The following CEP290 variants were observed in gnomAD, a reference collection of about 807,000 sequenced individuals.
CEP290 encodes centrosomal protein 290.
CEP290 carries 317 observed loss-of-function variants against 344.9 expected under a neutral mutation model. The observed-to-expected ratio is 0.92, with a 90% CI of 0.84 to 1.01. CEP290 has a LOEUF of 1.01. Ranked by LOEUF, CEP290 falls within the 50% of genes least tolerant of loss-of-function variation. The pLI is 0.00. For synonymous variants in CEP290, 932 were observed against 895.8 expected (o/e 1.04, Z -0.72); for missense variants, 2,754 against 2,761.4 (o/e 1.00, Z 0.06).
At chr12:88,129,937 A>G in intron 9 of CEP290, 61 bp from the exon 10 acceptor site, 1 of 1,073,820 alleles carries the variant, frequency 9.3e-7, no homozygotes. Context: ...AATTTAAACC[A>G]AATTAAAATT....
intron 44 of CEP290, among the ~76,000 whole-genome samples, chr12:88,067,471 G>A (rs889809582): frequency 5.3e-5 from 8 of 151,970 alleles, no homozygotes; most frequent in African/African-American, 7.2e-5. Context: ...CAGTTACATC[G>A]CCTGCCTGTG....
intron 13 of CEP290, among the ~76,000 whole-genome samples, chr12:88,122,739 A>G (rs2137951914): frequency 6.6e-6 from 1 of 152,276 alleles, no homozygotes; most frequent in South Asian, 2.1e-4. Context: ...CTTTTAAAGC[A>G]GTTTAAACTA....
At chr12:88,140,859 T>C (rs1382383846) in intron 3 of CEP290, 97 bp downstream of exon 3, 4 of 712,570 alleles carry the variant, frequency 5.6e-6, no homozygotes, top group South Asian at 2.0e-5. Context: ...GATGTAGATA[T>C]TACCAGGTAT....
rs761675817 is a variant in CEP290, at chr12:88,084,870, T to C, written c.4438-18A>G. 11 of 1,453,976 alleles carry C rather than the reference T, an allele frequency of 7.6e-6. No individual in the cohort carries two copies. The highest frequency in any genetic ancestry group is 4.0e-5 in the South Asian group (3 of 74,396). 90.1% of individuals were successfully genotyped at this position (1,453,976 alleles called of 1,614,324 possible). ...TTTAGTTTCTGCAATGATTAAATTA[T>C]AATAAATCATTAAAGTATCTTTTTC... is the stretch of plus-strand genomic sequence containing the variant. On this transcript the variant is annotated intron_variant, in intron 34 of 53. Coordinates refer to ENST00000552810, the MANE Select transcript of CEP290 (RefSeq NM_025114.4).
In CEP290 at chr12:88,102,711, TTA is replaced by T. The variant is rs892531787; in HGVS notation, c.2991+125_2991+126del. 5 of 672,372 alleles carry T rather than the reference TTA, an allele frequency of 7.4e-6. No individual in the cohort carries two copies. The African/African-American group carries it at 9.2e-5, about 12-fold the overall frequency. The allele number at this position is 672,372 out of a possible 1,614,324, so 41.7% of individuals were successfully genotyped here. A position where few individuals can be genotyped will look rare whatever the true frequency, so the allele number is the denominator to read the frequency against. On this transcript the variant is annotated intron_variant, in intron 26 of 53. Transcript: ENST00000552810. Reference sequence around the variant, plus strand: ...TAAACTGAATGAATAATATGGATAATTATATCTCTGTTAAATTTATATAAATG... The same window carrying T: ...TAAACTGAATGAATAATATGGATAATTATCTCTGTTAAATTTATATAAATG...
At chr12:88,122,145 G>C (rs1055252831) in intron 13 of CEP290, among the ~76,000 whole-genome samples, 21 of 152,068 alleles carry the variant, frequency 1.4e-4, no homozygotes, top group Non-Finnish European at 5.9e-5. Flanking sequence ...CAGCTGTCTG[G>C]AGCTAACATC....
intron 18 of CEP290, among the ~76,000 whole-genome samples, chr12:88,116,543 G>C (rs2039046819): frequency 6.6e-6 from 1 of 152,112 alleles, no homozygotes; most frequent in South Asian, 2.1e-4. Context: ...TCTGTATTCA[G>C]AGTAAATAAT....
At chr12:88,087,521 C>A (rs2137241203) in intron 32 of CEP290, among the ~76,000 whole-genome samples, 1 of 151,826 alleles carries the variant, frequency 6.6e-6, no homozygotes, top group South Asian at 2.1e-4. Context: ...GAGATCAAGA[C>A]CATCCTGGCT....
chr12:88,103,236 A>T (rs946953752), intron 25 of CEP290: 6 of 279,060 alleles, frequency 2.2e-5, no homozygotes, highest in Non-Finnish European at 3.3e-5. Flanking sequence ...TACTTTAATA[A>T]CTCCTGTCAT....
In CEP290 at chr12:88,083,198, AGGAACT is replaced by A; in HGVS notation, c.4839_4844del (p.Val1614_Pro1615del). ...CCAGACGAATAAAATGCTTGTTGGT[AGGAACT>A]GGAGTGGGAGACTGTTTCATTAAAT... is the stretch of plus-strand genomic sequence containing the variant. On this transcript the variant is annotated inframe_deletion, in exon 37 of 54. Transcript: ENST00000552810. 1 of 1,512,888 alleles carries A rather than the reference AGGAACT, an allele frequency of 6.6e-7. No individual in the cohort carries two copies. Among genetic ancestry groups the A allele is most frequent in the East Asian group, 2.5e-5 (1 of 40,360 alleles). 93.7% of individuals were successfully genotyped at this position (1,512,888 alleles called of 1,614,324 possible).
chr12:88,106,325 T>G (rs956400889), intron 25 of CEP290, among the ~76,000 whole-genome samples: 1 of 152,120 alleles, frequency 6.6e-6, no homozygotes, highest in African/African-American at 2.4e-5. Context: ...ATTAAAAAGA[T>G]TTATGAGATG....
Position 88,109,264 on chromosome 12 carries a change from G to A in CEP290, c.2368-83C>T, listed in dbSNP as rs552276810. On this transcript the variant is annotated intron_variant, in intron 22 of 53. Transcript: ENST00000552810. The stretch of plus-strand genomic sequence containing the variant: ...ATTTGAAAGTATAAATTCATATTCT[G>A]ACAACATTATAGGAAAGTTAAAAGT... The A allele has an allele frequency of 7.8e-4, 438 of 565,154 alleles. 2 individuals carry two copies. The highest frequency in any genetic ancestry group is 8.6e-4 in the South Asian group (36 of 41,836). 35.0% of individuals were successfully genotyped at this position (565,154 alleles called of 1,614,324 possible).
In CEP290 at chr12:88,126,391, C is replaced by T. The variant is rs1388365600; in HGVS notation, c.990G>A (p.Met330Ile). The stretch of plus-strand genomic sequence containing the variant: ...TAAGTTTCTCCCTTAGGTTATGTAA[C>T]ATTTGCTGATACTCAATAATTTCAT... ...KDDEIIEYQQ[M>I]LHNLREKLKN... is the part of the protein sequence containing the mutation. The change falls in exon 12 of 54, where the codon ATG becomes ATA. Residue 330 changes from methionine to isoleucine, a missense_variant. Physicochemically the swap from Met to Ile is conservative, Grantham distance 10. Coordinates refer to ENST00000552810, the MANE Select transcript of CEP290 (RefSeq NM_025114.4). The T allele has an allele frequency of 1.3e-6, 2 of 1,520,052 alleles. No individual in the cohort carries two copies. The highest frequency in any genetic ancestry group is 4.6e-5 in the Admixed American group (2 of 43,680). 94.2% of individuals were successfully genotyped at this position (1,520,052 alleles called of 1,614,324 possible).
intron 13 of CEP290, among the ~76,000 whole-genome samples, chr12:88,124,171 C>T (rs1206649040): frequency 6.6e-6 from 1 of 152,016 alleles, no homozygotes; most frequent in Non-Finnish European, 1.5e-5. Context: ...CCCCGGTGTC[C>T]CTTCTCACTT....
intron 52 of CEP290, 144 bp from the exon 53 acceptor site, chr12:88,050,577 A>G: frequency 1.9e-6 from 1 of 515,920 alleles, no homozygotes; most frequent in Non-Finnish European, 3.4e-6. Flanking sequence ...GAAATACTTC[A>G]GGATGTAAAC....
At chr12:88,136,149 A>G (rs557890113) in intron 6 of CEP290, 1 of 152,252 alleles carries the variant, frequency 6.6e-6, no homozygotes, top group African/African-American at 2.4e-5. Flanking sequence ...CTTTTCAAAA[A>G]CTATACATAT....
chr12:88,112,617 C>T (rs2038771063), intron 20 of CEP290, among the ~76,000 whole-genome samples: 1 of 152,006 alleles, frequency 6.6e-6, no homozygotes, highest in Non-Finnish European at 1.5e-5. Flanking sequence ...ATGGAAAAAA[C>T]TGTTAAAGGC....
At chr12:88,083,977 T>A in intron 35 of CEP290, 23 bp from the exon 36 acceptor site, 1 of 1,404,416 alleles carries the variant, frequency 7.1e-7, no homozygotes, top group Non-Finnish European at 9.9e-7. Flanking sequence ...AAATCGAAAC[T>A]ATATCTTAAA....
At position 88,125,328 on chromosome 12, in the gene CEP290, T is replaced by C. The variant is rs1202218217; in HGVS notation, c.1107A>G (p.Glu369=). Reference sequence around the variant, plus strand: ...TTTCTTTTGTATATTGTTCTACTTGTTCGGTGAGCATCTTAATTTGACTGT... The same window carrying C: ...TTTCTTTTGTATATTGTTCTACTTGCTCGGTGAGCATCTTAATTTGACTGT... ...ERDSQIKMLT[E]QVEQYTKEME... Residue 369 remains glutamate (E), a synonymous_variant, in exon 13 of 54, where the codon GAA becomes GAG. Transcript: ENST00000552810. 21 of 1,322,278 alleles carry C rather than the reference T, an allele frequency of 1.6e-5. No individual in the cohort carries two copies. Among genetic ancestry groups the C allele is most frequent in the Non-Finnish European group, 2.0e-5 (20 of 1,006,832 alleles). The allele number at this position is 1,322,278 out of a possible 1,614,324, so 81.9% of individuals were successfully genotyped here. A position where few individuals can be genotyped will look rare whatever the true frequency, so the allele number is the denominator to read the frequency against.
Sources: allele counts gnomAD v4.1 joint callset (sites outside exome capture counted in the v4.1 genomes callset), GRCh38; gene constraint gnomAD v4.1.1; transcripts MANE v1.5; gene names NCBI Gene and HGNC (gene_info 2026-07-23, HGNC 2026-07-21).